The following UNC13C variants were observed in gnomAD, a reference collection of about 807,000 sequenced individuals.
The protein encoded by UNC13C is unc-13 homolog C, also known as protein unc-13 homolog C.
Under a neutral mutation model 245.4 loss-of-function variants are expected in UNC13C, and 174 were observed. The ratio of observed to expected loss-of-function variants is 0.71; its 90% CI spans 0.63 to 0.80. UNC13C has a LOEUF of 0.80. Ranked by LOEUF, UNC13C falls within the 30% of genes least tolerant of loss-of-function variation. The pLI is 0.00. For missense variants in UNC13C, 2,829 were observed against 2,602.9 expected (o/e 1.09, Z -1.89); for synonymous variants, 992 against 895.1 (o/e 1.11, Z -1.93).
intron 19 of UNC13C, among the ~76,000 whole-genome samples, chr15:54,439,482 A>G (rs893226368): frequency 6.6e-6 from 1 of 152,018 alleles, no homozygotes; most frequent in Non-Finnish European, 1.5e-5. Context: ...GCTCAATTAT[A>G]ATAGAAATAA....
rs147947470 is a variant in UNC13C, at chr15:54,511,685, A to T, written c.5380-68A>T. Reference sequence around the variant, plus strand: ...AGATAGCTATTTTCCACCACTTATAAGTTAAACTCATTCAATAATTTTATA... The same window carrying T: ...AGATAGCTATTTTCCACCACTTATATGTTAAACTCATTCAATAATTTTATA... On this transcript the variant is annotated intron_variant, in intron 23 of 32. Transcript: ENST00000260323. 7.4e-4 allele frequency: 828 copies of T among 1,111,790 alleles called. 5 individuals carry two copies. The African/African-American group carries it at 0.012, about 16-fold the overall frequency. 68.9% of individuals were successfully genotyped at this position (1,111,790 alleles called of 1,614,324 possible). A position where few individuals can be genotyped will look rare whatever the true frequency, so the allele number is the denominator to read the frequency against.
Position 54,265,460 on chromosome 15 carries a change from G to A in UNC13C, c.3782G>A (p.Gly1261Glu). ...AAAAGAAGAACAAAAACCATTTTTG[G>A]AAATTTGAATCCAGTATGGGATGAG... ...KNKRRTKTIF[G>E]NLNPVWDEKF... Residue 1261 changes from glycine to glutamate, a missense_variant, in exon 10 of 33, where the codon GGA becomes GAA. Coordinates refer to ENST00000260323, the MANE Select transcript of UNC13C (RefSeq NM_001080534.3). 1 of 1,562,294 alleles carries A rather than the reference G, an allele frequency of 6.4e-7. No individual in the cohort carries two copies. The highest frequency in any genetic ancestry group is 1.4e-5 in the African/African-American group (1 of 74,016).
intron 9 of UNC13C, among the ~76,000 whole-genome samples, chr15:54,264,605 C>G (rs1449532520): frequency 6.7e-6 from 1 of 150,254 alleles, no homozygotes; most frequent in African/African-American, 2.4e-5. Flanking sequence ...ATCAAAATTT[C>G]TTTCATAGGA....
chr15:54,285,927 G>A (rs1424465154), intron 10 of UNC13C, among the ~76,000 whole-genome samples: 1 of 151,754 alleles, frequency 6.6e-6, no homozygotes, highest in Non-Finnish European at 1.5e-5. Flanking sequence ...ACCCAGGCTG[G>A]AGTGCAGTGG....
intron 2 of UNC13C, among the ~76,000 whole-genome samples, chr15:54,055,448 T>C (rs1443658889): frequency 1.3e-5 from 2 of 152,212 alleles, no homozygotes; most frequent in African/African-American, 4.8e-5. Flanking sequence ...TTAAATATTC[T>C]TTTTATATGC....
chr15:53,925,072 G>A, the UNC13C span, among the ~76,000 whole-genome samples: 1 of 152,118 alleles, frequency 6.6e-6, no homozygotes, highest in Non-Finnish European at 1.5e-5. Flanking sequence ...TTCTTATAAA[G>A]AGAAAACAGC....
At chr15:54,284,078 C>T (rs2037076590) in intron 10 of UNC13C, among the ~76,000 whole-genome samples, 2 of 152,128 alleles carry the variant, frequency 1.3e-5, no homozygotes, top group Non-Finnish European at 2.9e-5. Context: ...CTCATTACAA[C>T]CAATGACTTT....
intron 4 of UNC13C, among the ~76,000 whole-genome samples, chr15:54,156,684 C>G (rs150596051): frequency 1.3e-3 from 191 of 151,726 alleles, no homozygotes; most frequent in African/African-American, 4.6e-3. Context: ...AGTGTGACAT[C>G]TGCAAAATCT....
intron 30 of UNC13C, among the ~76,000 whole-genome samples, chr15:54,593,603 C>T (rs1034130672): frequency 6.6e-6 from 1 of 152,002 alleles, no homozygotes; most frequent in African/African-American, 2.4e-5. Flanking sequence ...TTTCTTTCTT[C>T]TACTTGTTCA....
chr15:54,165,398 T>C (rs1414311148), intron 4 of UNC13C, among the ~76,000 whole-genome samples: 1 of 152,188 alleles, frequency 6.6e-6, no homozygotes, highest in Admixed American at 6.5e-5. Context: ...ATCCCATTAT[T>C]TCATTGAATT....
intron 1 of UNC13C, among the ~76,000 whole-genome samples, chr15:54,012,270 T>C (rs1015541532): frequency 1.8e-4 from 28 of 152,274 alleles, no homozygotes; most frequent in Admixed American, 1.4e-3. Flanking sequence ...TAGATTTAAA[T>C]CCTTACATTT....
chr15:54,451,811 A>T (rs1891194556), intron 19 of UNC13C, among the ~76,000 whole-genome samples: 1 of 151,750 alleles, frequency 6.6e-6, no homozygotes, highest in Non-Finnish European at 1.5e-5. Flanking sequence ...TTTTTTTGGA[A>T]GTGTCATATT....
chr15:53,900,876 G>C, the UNC13C span, among the ~76,000 whole-genome samples: 1 of 152,014 alleles, frequency 6.6e-6, no homozygotes, highest in African/African-American at 2.4e-5. Context: ...CATGCTCCCT[G>C]TTTTATCTTC....
At chr15:53,980,490 T>A (rs1337721756) in intron 1 of UNC13C, among the ~76,000 whole-genome samples, 1 of 152,314 alleles carries the variant, frequency 6.6e-6, no homozygotes, top group Admixed American at 6.5e-5. Context: ...CATTAAGTAA[T>A]TTTTTAAACT....
At chr15:54,113,784 C>T (rs1281017662) in intron 2 of UNC13C, among the ~76,000 whole-genome samples, 2 of 152,086 alleles carry the variant, frequency 1.3e-5, no homozygotes, top group Non-Finnish European at 2.9e-5. Context: ...CGAGATCGCA[C>T]CACTGCACTC....
intron 10 of UNC13C, among the ~76,000 whole-genome samples, chr15:54,289,864 C>T (rs932865529): frequency 1.3e-5 from 2 of 152,016 alleles, no homozygotes; most frequent in African/African-American, 4.8e-5. Context: ...TTTGAGTTTA[C>T]ACCTTGCTTG....
At chr15:54,422,529 C>T (rs2040668601) in intron 19 of UNC13C, among the ~76,000 whole-genome samples, 1 of 151,948 alleles carries the variant, frequency 6.6e-6, no homozygotes, top group African/African-American at 2.4e-5. Flanking sequence ...GGGCTCTACC[C>T]ATCTTTCCAA....
Position 53,987,044 on chromosome 15 carries a change from A to G in UNC13C, c.-257+8117A>G, listed in dbSNP as rs529609010. Among the ~76,000 whole-genome samples the G allele has an allele frequency of 5.9e-5, 9 of 152,172 alleles. No homozygotes were observed. The South Asian group carries it at 1.9e-3, about 32-fold the overall frequency. On this transcript the variant is annotated intron_variant, in intron 1 of 32. Coordinates refer to ENST00000260323, the MANE Select transcript of UNC13C (RefSeq NM_001080534.3). ...ATAGATTGGCTTACCTTTGTCTGCA[A>G]TATTGCATGATAAGATACACATTAT...
At position 54,494,634 on chromosome 15, in the gene UNC13C, A is replaced by C; in HGVS notation, c.4960A>C (p.Ser1654Arg). The C allele has an allele frequency of 6.2e-7, 1 of 1,609,816 alleles. No homozygotes were observed. The highest frequency in any genetic ancestry group is 8.5e-7 in the Non-Finnish European group (1 of 1,178,118). The change falls in exon 20 of 33, where the codon AGC becomes CGC. Residue 1654 changes from serine to arginine, a missense_variant. Transcript: ENST00000260323. Reference sequence around the variant, plus strand: ...ACATGAAAATCAGCGGTTATGCAAGAGCACCGATTATATGAATTTGCATTT... The same window carrying C: ...ACATGAAAATCAGCGGTTATGCAAGCGCACCGATTATATGAATTTGCATTT... ...EEHENQRLCKSTDYMNLHFKV... is the reference protein window; with the variant it reads ...EEHENQRLCKRTDYMNLHFKV...
Sources: allele counts gnomAD v4.1 joint callset (sites outside exome capture counted in the v4.1 genomes callset), GRCh38; gene constraint gnomAD v4.1.1; transcripts MANE v1.5; gene names NCBI Gene and HGNC (gene_info 2026-07-23, HGNC 2026-07-21).